The following MYO9A variants were observed in gnomAD, a reference collection of about 807,000 sequenced individuals.
The protein encoded by MYO9A is myosin IXA.
MYO9A carries 103 observed loss-of-function variants against 293.3 expected under a neutral mutation model. That is an observed-to-expected ratio of 0.35 (90% CI 0.30 to 0.41). The LOEUF is 0.41. Ranked by LOEUF, MYO9A falls within the 10% of genes least tolerant of loss-of-function variation. The probability of loss-of-function intolerance (pLI) is 1.00; values close to 1 mark genes in which losing one functional copy is unlikely to be tolerated. For missense variants in MYO9A, 2,685 were observed against 3,033.0 expected (o/e 0.89, Z 2.69); for synonymous variants, 1,001 against 1,035.7 (o/e 0.97, Z 0.64).
Position 71,851,137 on chromosome 15 carries a change from T to TATAA in MYO9A, c.6581+112_6581+115dup, listed in dbSNP as rs149705951. On this transcript the variant is annotated intron_variant, in intron 37 of 41. Transcript: ENST00000356056. ...AACCACCTGTTTGAGACACTGACTT[T>TATAA]ATAAATAGAAGAAAAAATAAATACC... 1,224 of 809,562 alleles carry TATAA rather than the reference T, an allele frequency of 1.5e-3. 9 individuals are homozygous for TATAA. In the African/African-American group the frequency reaches 0.019, roughly 12 times the overall value. The allele number at this position is 809,562 out of a possible 1,614,324, so 50.1% of individuals were successfully genotyped here.
At chr15:72,041,115 C>T (rs1596453190) in intron 2 of MYO9A, 1 of 582,396 alleles carries the variant, frequency 1.7e-6, no homozygotes, top group East Asian at 4.3e-5. Context: ...TGTGGTGGTA[C>T]ATGCCTATAA....
intron 1 of MYO9A, among the ~76,000 whole-genome samples, chr15:72,087,820 C>A (rs925005356): frequency 2.6e-5 from 4 of 152,062 alleles, no homozygotes; most frequent in Non-Finnish European, 5.9e-5. Context: ...ACCTTCTATT[C>A]TTTTCTGCTG....
At chr15:71,908,220 A>G (rs539385453) in intron 19 of MYO9A, among the ~76,000 whole-genome samples, 25 of 152,006 alleles carry the variant, frequency 1.6e-4, no homozygotes, top group South Asian at 4.1e-4. Context: ...CCCATTGCTT[A>G]TTTTTCTCAG....
chr15:71,875,204 T>A (rs2056646723), intron 32 of MYO9A, among the ~76,000 whole-genome samples: 1 of 152,062 alleles, frequency 6.6e-6, no homozygotes, highest in Non-Finnish European at 1.5e-5. Flanking sequence ...GTATATGATG[T>A]ATATATGATA....
chr15:71,855,889 T>TAA (rs2055844995), intron 34 of MYO9A, among the ~76,000 whole-genome samples: 1 of 152,218 alleles, frequency 6.6e-6, no homozygotes, highest in African/African-American at 2.4e-5. Flanking sequence ...AGTGCAAACA[T>TAA]TCTTGAGTCT....
At chr15:71,868,338 T>C (rs2056404417) in intron 32 of MYO9A, among the ~76,000 whole-genome samples, 1 of 152,238 alleles carries the variant, frequency 6.6e-6, no homozygotes, top group African/African-American at 2.4e-5. Flanking sequence ...GTCCTTCTCA[T>C]GCTTGTATTT....
chr15:71,937,906 G>T (rs1190889588), intron 16 of MYO9A, among the ~76,000 whole-genome samples: 1 of 152,022 alleles, frequency 6.6e-6, no homozygotes, highest in Non-Finnish European at 1.5e-5. Flanking sequence ...TTTGTGTTCG[G>T]GTAAAATTTA....
chr15:71,856,316 GA>G (rs914188908), intron 34 of MYO9A, among the ~76,000 whole-genome samples: 1 of 147,702 alleles, frequency 6.8e-6, no homozygotes, highest in Non-Finnish European at 1.5e-5. Flanking sequence ...TGTCTCAAAA[GA>G]AAAAAAAAGA....
chr15:71,955,830 T>C (rs2059163950), intron 14 of MYO9A, among the ~76,000 whole-genome samples: 1 of 152,106 alleles, frequency 6.6e-6, no homozygotes, highest in South Asian at 2.1e-4. Flanking sequence ...TCTATCATCC[T>C]CCCCATCTCT....
At chr15:71,989,849 C>T (rs2076493294) in intron 11 of MYO9A, among the ~76,000 whole-genome samples, 1 of 151,864 alleles carries the variant, frequency 6.6e-6, no homozygotes, top group Non-Finnish European at 1.5e-5. Context: ...AACATAGTGA[C>T]ACCTTGTCTC....
intron 1 of MYO9A, among the ~76,000 whole-genome samples, chr15:72,097,890 C>CAG (rs1216797375): frequency 1.3e-5 from 2 of 151,912 alleles, no homozygotes; most frequent in African/African-American, 4.8e-5. Flanking sequence ...AGCCTGGTGA[C>CAG]AGAGCGAGAC....
rs999905010 is a variant in MYO9A at position 72,039,430 on chromosome 15, A to T, written c.840+6294T>A. 5.9e-5 allele frequency among the ~76,000 whole-genome samples: 9 copies of T among 152,062 alleles called. No individual in the cohort carries two copies. In the South Asian group the frequency reaches 1.9e-3, roughly 32 times the overall value. On this transcript the variant is annotated intron_variant, in intron 2 of 41. Coordinates refer to ENST00000356056, the MANE Select transcript of MYO9A (RefSeq NM_006901.4). Reference sequence around the variant, plus strand: ...TTGTACATTTTTCAGTGTCTTTAAAATTTTTGTTTATATATATTTATAATA... The same window carrying T: ...TTGTACATTTTTCAGTGTCTTTAAATTTTTTGTTTATATATATTTATAATA...
At chr15:72,003,091 G>T (rs962712599) in intron 8 of MYO9A, among the ~76,000 whole-genome samples, 7 of 151,834 alleles carry the variant, frequency 4.6e-5, no homozygotes, top group African/African-American at 1.7e-4. Context: ...CCAATATGGA[G>T]AAACTCCGTC....
rs377474158 is a variant in MYO9A at position 71,910,168 on chromosome 15, G to GTATATATATATATATATA, written c.2686-5163_2686-5162insTATATATATATATATATA. 4.4e-4 allele frequency among the ~76,000 whole-genome samples: 57 copies of GTATATATATATATATATA among 128,294 alleles called. 1 individual carries two copies. The highest frequency in any genetic ancestry group is 1.2e-3 in the African/African-American group (41 of 34,716). 84.2% of individuals were successfully genotyped at this position (128,294 alleles called of 152,430 possible). On this transcript the variant is annotated intron_variant, in intron 19 of 41. Coordinates refer to ENST00000356056, the MANE Select transcript of MYO9A (RefSeq NM_006901.4). Reference sequence around the variant, plus strand: ...CGTGTGTGTGTATATATATATACGTGTATATATATATATAAAATCAGAAAC... The same window carrying GTATATATATATATATATA: ...CGTGTGTGTGTATATATATATACGTGTATATATATATATATATATATATATATATATAAAATCAGAAAC...
chr15:71,919,848 A>T, intron 18 of MYO9A, among the ~76,000 whole-genome samples: 1 of 147,410 alleles, frequency 6.8e-6, no homozygotes, highest in East Asian at 2.0e-4. Context: ...TCTCAAAAAA[A>T]AAAAAAAAAA....
chr15:71,983,204 T>G (rs1239338216), intron 11 of MYO9A, among the ~76,000 whole-genome samples: 1 of 152,012 alleles, frequency 6.6e-6, no homozygotes, highest in Admixed American at 6.5e-5. Flanking sequence ...TTCCTTTTAT[T>G]TCTTGCTTTC....
chr15:71,897,813 T>G lies in MYO9A; in HGVS notation c.4690A>C (p.Asn1564His). 6.2e-7 allele frequency: 1 copy of G among 1,614,078 alleles called. No homozygotes were observed. Among genetic ancestry groups the G allele is most frequent in the Non-Finnish European group, 8.5e-7 (1 of 1,180,006 alleles). The change falls in exon 25 of 42, where the codon AAT (asparagine) becomes CAT (histidine). Residue 1564 changes from asparagine to histidine, a missense_variant. This residue lies in a region of MYO9A where 1,434 missense variants were observed against 1,497.7 expected (regional missense o/e 0.96). Coordinates refer to ENST00000356056, the MANE Select transcript of MYO9A (RefSeq NM_006901.4). The part of the protein sequence containing the change: ...VERPSSLLSL[N>H]TSNKGELNVL... Reference sequence around the variant, plus strand: ...TTAAGTTCTCCCTTATTTGAGGTATTTAAGCTGAGGAGAGAGGATGGCCTC... The same window carrying G: ...TTAAGTTCTCCCTTATTTGAGGTATGTAAGCTGAGGAGAGAGGATGGCCTC...
At chr15:71,973,898 T>G (rs2147592688) in intron 12 of MYO9A, among the ~76,000 whole-genome samples, 1 of 152,312 alleles carries the variant, frequency 6.6e-6, no homozygotes, top group South Asian at 2.1e-4. Context: ...GAACTGTTCT[T>G]TTTGTCAGCA....
At chr15:71,835,588 C>T (rs943002991) in intron 39 of MYO9A, among the ~76,000 whole-genome samples, 10 of 151,992 alleles carry the variant, frequency 6.6e-5, no homozygotes, top group Non-Finnish European at 1.3e-4. Context: ...AAAATCTCAA[C>T]GTACAAAACT....
Sources: allele counts gnomAD v4.1 joint callset (sites outside exome capture counted in the v4.1 genomes callset), GRCh38; gene constraint gnomAD v4.1.1; regional missense constraint gnomAD v4.1.1; transcripts MANE v1.5; gene names NCBI Gene and HGNC (gene_info 2026-07-23, HGNC 2026-07-21).